The following SPAG9 variants were observed in gnomAD, a reference collection of about 807,000 sequenced individuals.
SPAG9 encodes sperm associated antigen 9.
Under a neutral mutation model 166.5 loss-of-function variants are expected in SPAG9, and 35 were observed. The ratio of observed to expected loss-of-function variants is 0.21; its 90% CI spans 0.16 to 0.28. SPAG9 has a LOEUF of 0.28. SPAG9 is among the 10% of genes least tolerant of loss of function. SPAG9 has a pLI of 1.00. For missense variants in SPAG9, 1,235 were observed against 1,603.3 expected (o/e 0.77, Z 3.92); for synonymous variants, 534 against 565.5 (o/e 0.94, Z 0.79).
rs373125345 is a variant in SPAG9, at chr17:51,024,156, G to C, written c.784-2791C>G. Among the ~76,000 whole-genome samples the C allele has an allele frequency of 1.4e-4, 22 of 152,014 alleles. 2 individuals are homozygous for C. The South Asian group carries it at 2.9e-3, about 20-fold the overall frequency. ...ACTAAAAACACAAAAATTAGGCATG[G>C]TGGCAGGTGCCTGTAATTCCAGCTA... On this transcript the variant is annotated intron_variant, in intron 6 of 29. Coordinates refer to ENST00000262013, the MANE Select transcript of SPAG9 (RefSeq NM_001130528.3).
At chr17:51,061,509 C>T (rs980311117) in intron 2 of SPAG9, among the ~76,000 whole-genome samples, 2 of 147,306 alleles carry the variant, frequency 1.4e-5, no homozygotes, top group African/African-American at 2.5e-5. Flanking sequence ...ACTCAGAAGG[C>T]TGAGGCAGGA....
chr17:51,033,153 C>CT (rs1568022909), intron 5 of SPAG9, among the ~76,000 whole-genome samples: 1 of 151,712 alleles, frequency 6.6e-6, no homozygotes, highest in Non-Finnish European at 1.5e-5. Flanking sequence ...GCACGTCATA[C>CT]TTTTTTTGGT....
intron 2 of SPAG9, among the ~76,000 whole-genome samples, chr17:51,064,750 A>G (rs9906863): frequency 0.3 from 46,322 of 151,990 alleles, 7,129 homozygotes; most frequent in Admixed American, 0.36. Flanking sequence ...TGGGGTGATA[A>G]AAATGTTCTG....
intron 1 of SPAG9, 129 bp from the exon 2 acceptor site, chr17:51,079,833 GTTGA>G: frequency 1.7e-6 from 1 of 575,306 alleles, no homozygotes; most frequent in East Asian, 3.1e-5. Context: ...ATGACCTTGG[GTTGA>G]TTTTTAGTTT....
At chr17:51,003,635 C>A (rs1175585516) in intron 12 of SPAG9, among the ~76,000 whole-genome samples, 2 of 152,142 alleles carry the variant, frequency 1.3e-5, no homozygotes, top group Non-Finnish European at 2.9e-5. Context: ...CTCAAGGGAA[C>A]ATGGCTCAAG....
At position 51,056,457 on chromosome 17, in the gene SPAG9, T is replaced by C; in HGVS notation, c.450A>G (p.Ala150=). 2 of 1,608,404 alleles carry C rather than the reference T, an allele frequency of 1.2e-6. No homozygotes were observed. Among genetic ancestry groups the C allele is most frequent in the Non-Finnish European group, 1.7e-6 (2 of 1,175,234 alleles). ...ATGCATTATATTCCTTCTTCAGTTC[T>C]GCTTCTCTTTCTTCAAGTCTGCTAA... ...DQISRLEERE[A]ELKKEYNALH... is the part of the protein sequence containing the mutation. Residue 150 remains alanine (A), a synonymous_variant, in exon 3 of 30, where the codon GCA becomes GCG. Coordinates refer to ENST00000262013, the MANE Select transcript of SPAG9 (RefSeq NM_001130528.3).
rs1009563890 is a variant in SPAG9 at position 51,008,896 on chromosome 17, C to G, written c.1214-1570G>C. On this transcript the variant is annotated intron_variant, in intron 9 of 29. Coordinates refer to ENST00000262013, the MANE Select transcript of SPAG9 (RefSeq NM_001130528.3). The stretch of plus-strand genomic sequence containing the variant: ...ATGGCTGGGAATGTTAACTTTTTAA[C>G]AAAGTTATAGAGACAGAAGAAATAA... Among the ~76,000 whole-genome samples, 3 of 151,942 alleles carry G rather than the reference C, an allele frequency of 2.0e-5. No homozygotes were observed. In the East Asian group the frequency reaches 5.8e-4, roughly 29 times the overall value.
intron 6 of SPAG9, among the ~76,000 whole-genome samples, chr17:51,028,457 A>T (rs2046272667): frequency 6.6e-6 from 1 of 152,098 alleles, no homozygotes; most frequent in South Asian, 2.1e-4. Context: ...TTCATATTGT[A>T]TTTTTACTGT....
At chr17:51,064,889 AG>A (rs2047617868) in intron 2 of SPAG9, among the ~76,000 whole-genome samples, 1 of 152,190 alleles carries the variant, frequency 6.6e-6, no homozygotes, top group Non-Finnish European at 1.5e-5. Context: ...TGGGAGGCCA[AG>A]GCGGACAGAT....
At chr17:51,046,482 T>C (rs1343564942) in intron 4 of SPAG9, 1 of 1,522,830 alleles carries the variant, frequency 6.6e-7, no homozygotes, top group Non-Finnish European at 8.8e-7. Flanking sequence ...CAGGGGCTTC[T>C]AAGAGAGATG....
At chr17:51,031,830 T>C in intron 5 of SPAG9, 108 bp from the exon 6 acceptor site, 1 of 806,654 alleles carries the variant, frequency 1.2e-6, no homozygotes, top group Non-Finnish European at 2.1e-6. Context: ...GATTCATCTA[T>C]TATCTACTGT....
chr17:50,996,290 G>A (rs2044676306), intron 16 of SPAG9: 2 of 328,836 alleles, frequency 6.1e-6, no homozygotes, highest in Admixed American at 4.7e-5. Flanking sequence ...AACCAGAATT[G>A]CTCTGGTTAC....
In SPAG9 at chr17:51,117,811, A is replaced by G. The variant is rs141450848; in HGVS notation, c.303+2543T>C. Among the ~76,000 whole-genome samples, 891 of 151,818 alleles carry G rather than the reference A, an allele frequency of 5.9e-3. 9 individuals are homozygous for G. The highest frequency in any genetic ancestry group is 0.02 in the African/African-American group (825 of 41,394). ...GGCCAAAGGGAGACAATTTCTGGAT[A>G]CTGAGCAACACACAATTTATGATCT... On this transcript the variant is annotated intron_variant, in intron 1 of 29. Coordinates refer to ENST00000262013, the MANE Select transcript of SPAG9 (RefSeq NM_001130528.3).
At chr17:51,009,846 C>T (rs1011633995) in intron 9 of SPAG9, among the ~76,000 whole-genome samples, 1 of 151,960 alleles carries the variant, frequency 6.6e-6, no homozygotes, top group Non-Finnish European at 1.5e-5. Flanking sequence ...ATAAAGTTTA[C>T]ATTAAATGTA....
intron 1 of SPAG9, among the ~76,000 whole-genome samples, chr17:51,116,884 A>G (rs1033756560): frequency 1.3e-5 from 2 of 152,226 alleles, no homozygotes; most frequent in Admixed American, 6.5e-5. Flanking sequence ...AACAGAGTAG[A>G]AAGTGAGGAG....
intron 2 of SPAG9, among the ~76,000 whole-genome samples, chr17:51,069,747 G>A (rs999899826): frequency 6.6e-6 from 1 of 152,070 alleles, no homozygotes; most frequent in Non-Finnish European, 1.5e-5. Flanking sequence ...GTTTCAAAGT[G>A]AAGGCTTGCA....
Position 50,996,619 on chromosome 17 carries a change from C to T in SPAG9, c.1914G>A (p.Lys638=), listed in dbSNP as rs377688989. The part of the protein sequence containing the change: ...QYRQVKAHVQ[K]EDGRVQAFGW... The stretch of plus-strand genomic sequence containing the variant: ...CAAAAGCCTGCACTCTACCGTCTTC[C>T]TTCTGAACATGTGCTTTTACCTGAC... Residue 638 remains lysine (K), a synonymous_variant, in exon 16 of 30, where the codon AAG becomes AAA. Transcript: ENST00000262013. The T allele has an allele frequency of 6.2e-7, 1 of 1,614,038 alleles. No individual in the cohort carries two copies. The highest frequency in any genetic ancestry group is 1.3e-5 in the African/African-American group (1 of 74,914).
intron 2 of SPAG9, among the ~76,000 whole-genome samples, chr17:51,065,644 C>A (rs888165739): frequency 5.9e-5 from 9 of 152,158 alleles, no homozygotes; most frequent in Admixed American, 6.5e-5. Flanking sequence ...TAAGCTGAGG[C>A]AAAGACTGGC....
At chr17:51,041,445 G>A in intron 5 of SPAG9, 56 bp downstream of exon 5, 1 of 1,529,562 alleles carries the variant, frequency 6.5e-7, no homozygotes, top group South Asian at 1.2e-5. Flanking sequence ...ACTTCAATTA[G>A]GATAAGAAAG....
Sources: allele counts gnomAD v4.1 joint callset (sites outside exome capture counted in the v4.1 genomes callset), GRCh38; gene constraint gnomAD v4.1.1; transcripts MANE v1.5; gene names NCBI Gene and HGNC (gene_info 2026-07-23, HGNC 2026-07-21).